EPN2: variants seen among roughly 807,000 people sequenced by gnomAD.
EPN2 encodes epsin 2.
EPN2 carries 34 observed loss-of-function variants against 61.7 expected under a neutral mutation model. The ratio of observed to expected loss-of-function variants is 0.55; its 90% CI spans 0.42 to 0.73. EPN2 has a LOEUF of 0.73. EPN2 is among the 30% of genes least tolerant of loss of function. The pLI is 0.00. For synonymous variants in EPN2, 349 were observed against 353.6 expected, an observed-to-expected ratio of 0.99 and a Z score of 0.15; for missense variants, 714 against 839.2, an observed-to-expected ratio of 0.85 and a Z score of 1.84.
intron 1 of EPN2, among the ~76,000 whole-genome samples, chr17:19,258,263 C>T: frequency 6.6e-6 from 1 of 152,168 alleles, no homozygotes; most frequent in African/African-American, 2.4e-5. Flanking sequence ...GTGTGCACTT[C>T]AGAGGCTTCC....
intron 4 of EPN2, among the ~76,000 whole-genome samples, chr17:19,287,855 A>G (rs78553121): frequency 1.3e-5 from 2 of 152,286 alleles, no homozygotes; most frequent in African/African-American, 4.8e-5. Flanking sequence ...TTCATGTGCC[A>G]TATGTCATCT....
At chr17:19,292,360 T>TGGGTTTTGGGGATGGACCA (rs1373992586) in intron 4 of EPN2, among the ~76,000 whole-genome samples, 1 of 152,152 alleles carries the variant, frequency 6.6e-6, no homozygotes, top group Non-Finnish European at 1.5e-5. Context: ...GCCCTTCCAT[T>TGGGTTTTGGGGATGGACCA]GGGTTTTGGG....
intron 4 of EPN2, chr17:19,308,054 G>A (rs1203496501): frequency 1.3e-5 from 13 of 977,778 alleles, no homozygotes; most frequent in Non-Finnish European, 1.6e-5. Context: ...AAAGAAGGAA[G>A]TAAACTAATA....
intron 4 of EPN2, among the ~76,000 whole-genome samples, chr17:19,309,142 CT>C (rs1196924683): frequency 1.3e-3 from 172 of 131,686 alleles, no homozygotes; most frequent in Middle Eastern, 4.0e-3. Context: ...AAGGTCAACT[CT>C]TTTTTTTTTT....
chr17:19,281,877 C>T (rs1280903453), intron 1 of EPN2, 78 bp from the exon 2 acceptor site: 1 of 152,210 alleles, frequency 6.6e-6, no homozygotes, highest in Non-Finnish European at 1.5e-5. Flanking sequence ...GGTAAGGAAC[C>T]TTCATCCCCT....
rs116764893 is a variant in EPN2, at chr17:19,286,145, A to G, written c.766+355A>G. ...CCCACCCATGGTGGTGGGTCAGACA[A>G]CTTGGCTTGTTGGACCGGAAATGTG... is the stretch of plus-strand genomic sequence containing the variant. On this transcript the variant is annotated intron_variant, in intron 4 of 10. Transcript: ENST00000314728. 1.7e-3 allele frequency among the ~76,000 whole-genome samples: 256 copies of G among 152,290 alleles called. 5 individuals are homozygous for G. Among genetic ancestry groups the G allele is most frequent in the African/African-American group, 5.7e-3 (238 of 41,564 alleles).
intron 1 of EPN2, among the ~76,000 whole-genome samples, chr17:19,253,553 T>C (rs1003176000): frequency 1.3e-5 from 2 of 151,768 alleles, no homozygotes; most frequent in Non-Finnish European, 2.9e-5. Context: ...TAGCTGGGGC[T>C]ACAGGCCTGG....
At chr17:19,287,511 G>A (rs1265392030) in intron 4 of EPN2, among the ~76,000 whole-genome samples, 1 of 152,122 alleles carries the variant, frequency 6.6e-6, no homozygotes, top group Non-Finnish European at 1.5e-5. Flanking sequence ...TTCTGGCCAT[G>A]TTTCTTCTCT....
In EPN2 at chr17:19,331,848, TG is replaced by T; in HGVS notation, c.1412-4del. On this transcript the variant is annotated splice_polypyrimidine_tract_variant and splice_region_variant and intron_variant, in intron 9 of 10. Coordinates refer to ENST00000314728, the MANE Select transcript of EPN2 (RefSeq NM_014964.5). ...CACCCTGCCATATGTGTCCTTGTCT[TG>T]TAGCCGAATCTGTGACCTCTCTGCC... The T allele has an allele frequency of 6.2e-7, 1 of 1,613,684 alleles. No homozygotes were observed. The highest frequency in any genetic ancestry group is 8.5e-7 in the Non-Finnish European group (1 of 1,179,556).
intron 1 of EPN2, among the ~76,000 whole-genome samples, chr17:19,239,813 T>C (rs2044863752): frequency 6.6e-6 from 1 of 152,142 alleles, no homozygotes; most frequent in African/African-American, 2.4e-5. Flanking sequence ...TGTGAAGAAA[T>C]GTAAAACTTT....
chr17:19,264,117 C>T (rs180921500), intron 1 of EPN2, among the ~76,000 whole-genome samples: 1 of 152,290 alleles, frequency 6.6e-6, no homozygotes, highest in East Asian at 1.9e-4. Context: ...AGGACAATGG[C>T]AGTGTAAACA....
At chr17:19,276,200 G>GT (rs927175837) in intron 1 of EPN2, among the ~76,000 whole-genome samples, 3 of 151,818 alleles carry the variant, frequency 2.0e-5, no homozygotes, top group East Asian at 3.9e-4. Context: ...CTGCTCAGCC[G>GT]TTTTTTTGAG....
rs758433369 is a variant in EPN2 at position 19,329,632 on chromosome 17, A to G, written c.1396A>G (p.Thr466Ala). The change falls in exon 9 of 11, where the codon ACT becomes GCT. Residue 466 changes from threonine (T) to alanine (A), a missense_variant. Thr to Ala is a moderately conservative substitution (Grantham distance 58). Around this residue, in one of 2 missense-constraint regions of EPN2, gnomAD observed 410 missense variants for 421.8 expected, o/e 0.97. Coordinates refer to ENST00000314728, the MANE Select transcript of EPN2 (RefSeq NM_014964.5). ...DDFSEFDNLRTSKKTAESVTS... is the reference protein window; with the variant it reads ...DDFSEFDNLRASKKTAESVTS... The stretch of plus-strand genomic sequence containing the variant: ...CTTTTCTGAATTTGACAACCTTCGG[A>G]CTTCAAAAAAAACAGGTATGTACAG... The G allele has an allele frequency of 1.2e-6, 2 of 1,609,306 alleles. No homozygotes were observed. The highest frequency in any genetic ancestry group is 1.7e-6 in the Non-Finnish European group (2 of 1,175,676).
intron 5 of EPN2, among the ~76,000 whole-genome samples, chr17:19,311,379 G>A (rs1598014961): frequency 1.3e-5 from 2 of 152,194 alleles, no homozygotes; most frequent in East Asian, 1.9e-4. Context: ...TCAAACTCCC[G>A]TGCTGATCAG....
intron 4 of EPN2, among the ~76,000 whole-genome samples, chr17:19,300,047 A>G (rs992925472): frequency 1.3e-5 from 2 of 152,224 alleles, no homozygotes; most frequent in African/African-American, 4.8e-5. Context: ...ACGGATTAGA[A>G]CATGCAGCTA....
At chr17:19,262,160 C>A (rs2045148394) in intron 1 of EPN2, among the ~76,000 whole-genome samples, 1 of 151,486 alleles carries the variant, frequency 6.6e-6, no homozygotes, top group Non-Finnish European at 1.5e-5. Context: ...GCACTCCAGC[C>A]TGAGCAACAG....
intron 4 of EPN2, among the ~76,000 whole-genome samples, chr17:19,291,753 C>T (rs771400736): frequency 1.8e-4 from 28 of 152,098 alleles, no homozygotes; most frequent in Non-Finnish European, 3.7e-4. Flanking sequence ...TTCTTAAACC[C>T]AATGGGGACT....
intron 1 of EPN2, among the ~76,000 whole-genome samples, chr17:19,241,502 C>T (rs547624543): frequency 9.2e-4 from 138 of 150,464 alleles, no homozygotes; most frequent in Non-Finnish European, 1.2e-3. Context: ...AGGAGAATCA[C>T]TTGAACCTGG....
At chr17:19,307,630 A>G (rs1278205914) in intron 4 of EPN2, among the ~76,000 whole-genome samples, 1 of 152,224 alleles carries the variant, frequency 6.6e-6, no homozygotes, top group East Asian at 1.9e-4. Context: ...GGCGTGAGCC[A>G]CTGTGCCCGG....
Sources: allele counts gnomAD v4.1 joint callset (sites outside exome capture counted in the v4.1 genomes callset), GRCh38; gene constraint gnomAD v4.1.1; regional missense constraint gnomAD v4.1.1; transcripts MANE v1.5; gene names NCBI Gene and HGNC (gene_info 2026-07-23, HGNC 2026-07-21).